RIC8B: variants seen among roughly 807,000 people sequenced by gnomAD.
RIC8B encodes chaperone Ric-8B.
A neutral mutation model predicts 57.5 loss-of-function variants in RIC8B; 16 were observed. The ratio of observed to expected loss-of-function variants is 0.28; its 90% CI spans 0.19 to 0.42. RIC8B has a LOEUF of 0.42. Among genes scored for constraint, RIC8B ranks in the 10% least tolerant of loss-of-function variants. The pLI is 1.00. For missense variants in RIC8B, 481 were observed against 677.0 expected (o/e 0.71, Z 3.21); for synonymous variants, 216 against 250.8 (o/e 0.86, Z 1.31).
intron 9 of RIC8B, among the ~76,000 whole-genome samples, chr12:106,873,660 C>T (rs1479371709): frequency 6.6e-6 from 1 of 152,142 alleles, no homozygotes; most frequent in Non-Finnish European, 1.5e-5. Context: ...ACAGTCTCTG[C>T]CTTTGGAAAA....
chr12:106,851,662 T>C, intron 7 of RIC8B, 68 bp downstream of exon 7: 1 of 1,316,980 alleles, frequency 7.6e-7, no homozygotes, highest in South Asian at 1.3e-5. Flanking sequence ...TAATTGATAG[T>C]GTTAGTACTG....
At chr12:106,851,935 C>T (rs1949492866) in intron 7 of RIC8B, among the ~76,000 whole-genome samples, 1 of 152,134 alleles carries the variant, frequency 6.6e-6, no homozygotes, top group Admixed American at 6.5e-5. Flanking sequence ...TAATAAGAGG[C>T]ACAGGTCTGG....
intron 4 of RIC8B, among the ~76,000 whole-genome samples, chr12:106,838,028 A>G (rs1054828825): frequency 2.6e-5 from 4 of 152,216 alleles, no homozygotes; most frequent in African/African-American, 7.2e-5. Context: ...TAGTTAATGT[A>G]TACAACTTGA....
chr12:106,784,923 T>C (rs2043936526), intron 2 of RIC8B, among the ~76,000 whole-genome samples: 1 of 152,236 alleles, frequency 6.6e-6, no homozygotes, highest in Admixed American at 6.5e-5. Context: ...TAACCTCTGC[T>C]CTAATTCAGG....
chr12:106,821,627 TAAAG>T (rs1398929093), intron 3 of RIC8B, among the ~76,000 whole-genome samples: 1 of 151,942 alleles, frequency 6.6e-6, no homozygotes, highest in African/African-American at 2.4e-5. Context: ...AATTATTAAT[TAAAG>T]AAATGACATC....
intron 8 of RIC8B, among the ~76,000 whole-genome samples, chr12:106,863,112 T>A (rs1043734931): frequency 6.6e-6 from 1 of 152,142 alleles, no homozygotes; most frequent in African/African-American, 2.4e-5. Context: ...AACTGGCTGG[T>A]ATGGTTTATA....
At chr12:106,822,173 CAT>C (rs1446955683) in intron 3 of RIC8B, 1 of 142,512 alleles carries the variant, frequency 7.0e-6, no homozygotes. Flanking sequence ...GAGTAATAAA[CAT>C]ATGAAAAGGT....
intron 9 of RIC8B, among the ~76,000 whole-genome samples, chr12:106,878,250 C>A (rs1950757020): frequency 6.6e-6 from 1 of 151,956 alleles, no homozygotes; most frequent in African/African-American, 2.4e-5. Context: ...AGGGTTCAAG[C>A]CTAAAGGACA....
At chr12:106,853,309 T>C (rs2136475923) in intron 7 of RIC8B, among the ~76,000 whole-genome samples, 1 of 151,930 alleles carries the variant, frequency 6.6e-6, no homozygotes, top group African/African-American at 2.4e-5. Flanking sequence ...GTGAATTTTG[T>C]TAACTTTTTA....
chr12:106,856,751 A>G (rs1469244084), intron 7 of RIC8B, among the ~76,000 whole-genome samples: 2 of 152,208 alleles, frequency 1.3e-5, no homozygotes, highest in Non-Finnish European at 2.9e-5. Flanking sequence ...TTGGATCCCC[A>G]GTGCTTAACA....
intron 9 of RIC8B, among the ~76,000 whole-genome samples, chr12:106,874,174 G>A (rs866681663): frequency 6.6e-6 from 1 of 152,208 alleles, no homozygotes; most frequent in Middle Eastern, 3.4e-3. Flanking sequence ...AACTCAAGAC[G>A]TTTGCTCTGT....
chr12:106,877,345 G>A lies in RIC8B; in HGVS notation c.1571+6403G>A, dbSNP rs557531666. 7.8e-4 allele frequency among the ~76,000 whole-genome samples: 118 copies of A among 152,064 alleles called. 1 individual carries two copies. The South Asian group carries it at 0.019, about 25-fold the overall frequency. On this transcript the variant is annotated intron_variant, in intron 9 of 9. Transcript: ENST00000392837. ...GTGCTATTGTGAGAAATTACCAACAGCTCTCAAAAGTTGTCTGATTATTTT... is the reference window on the plus strand; with the variant it reads ...GTGCTATTGTGAGAAATTACCAACAACTCTCAAAAGTTGTCTGATTATTTT...
intron 9 of RIC8B, 124 bp from the exon 10 acceptor site, chr12:106,885,780 G>A (rs1593429466): frequency 1.6e-6 from 1 of 621,362 alleles, no homozygotes; most frequent in Non-Finnish European, 2.8e-6. Context: ...AAAGCTCAAG[G>A]GAAAATACTT....
rs1176944082 is a variant in RIC8B at position 106,887,806 on chromosome 12, G to A, written c.*1791G>A. ...ATACTCTAGTTGACCCAGAAAATGTGTGTACAACAGTATGGCCCGTAGACT... is the reference window on the plus strand; with the variant it reads ...ATACTCTAGTTGACCCAGAAAATGTATGTACAACAGTATGGCCCGTAGACT... On this transcript the variant is annotated 3_prime_UTR_variant, in exon 10 of 10. Transcript: ENST00000392837. The A allele has an allele frequency of 6.6e-6, 1 of 152,236 alleles. No homozygotes were observed. The highest frequency in any genetic ancestry group is 3.2e-3 in the Middle Eastern group (1 of 316). The allele number at this position is 152,236 out of a possible 1,614,324, so 9.4% of individuals were successfully genotyped here. A position where few individuals can be genotyped will look rare whatever the true frequency, so the allele number is the denominator to read the frequency against.
intron 2 of RIC8B, among the ~76,000 whole-genome samples, chr12:106,811,857 CAG>C (rs1335075987): frequency 6.6e-6 from 1 of 152,072 alleles, no homozygotes; most frequent in Non-Finnish European, 1.5e-5. Context: ...AAAGTACTGA[CAG>C]GGCAAAATAA....
chr12:106,872,995 A>G, intron 9 of RIC8B: 1 of 984,850 alleles, frequency 1.0e-6, no homozygotes, highest in Non-Finnish European at 1.2e-6. Flanking sequence ...CAGGCACAGA[A>G]AACAAAGGTG....
In RIC8B at chr12:106,887,302, G is replaced by A. The variant is rs1340376357; in HGVS notation, c.*1287G>A. 1 of 152,554 alleles carries A rather than the reference G, an allele frequency of 6.6e-6. No individual in the cohort carries two copies. The highest frequency in any genetic ancestry group is 1.5e-5 in the Non-Finnish European group (1 of 68,020). The allele number at this position is 152,554 out of a possible 1,614,324, so 9.5% of individuals were successfully genotyped here. A position where few individuals can be genotyped will look rare whatever the true frequency, so the allele number is the denominator to read the frequency against. On this transcript the variant is annotated 3_prime_UTR_variant, in exon 10 of 10. Coordinates refer to ENST00000392837, the MANE Select transcript of RIC8B (RefSeq NM_001330145.2). ...TGATTCAATTTGGCCATCTGTGTGT[G>A]TTTCTTTATAGATACATGGGCTAAA...
At chr12:106,870,984 G>A in intron 9 of RIC8B, 42 bp downstream of exon 9, 2 of 1,530,536 alleles carry the variant, frequency 1.3e-6, no homozygotes, top group Non-Finnish European at 1.8e-6. Flanking sequence ...TTCTAAAAAT[G>A]GTCTATTTCT....
At chr12:106,838,556 GAGGAGGAGC>G (rs1197194788) in intron 4 of RIC8B, among the ~76,000 whole-genome samples, 3 of 151,404 alleles carry the variant, frequency 2.0e-5, no homozygotes, top group South Asian at 2.1e-4. Flanking sequence ...AAAAAAGAGG[GAGGAGGAGC>G]AGGAGGAGCA....
Sources: allele counts gnomAD v4.1 joint callset (sites outside exome capture counted in the v4.1 genomes callset), GRCh38; gene constraint gnomAD v4.1.1; transcripts MANE v1.5; gene names NCBI Gene and HGNC (gene_info 2026-07-23, HGNC 2026-07-21).